Variants in GALNTL6 observed in about 807,000 individuals in gnomAD.
The protein encoded by GALNTL6 is polypeptide N-acetylgalactosaminyltransferase like 6.
GALNTL6 carries 46 observed loss-of-function variants against 73.7 expected under a neutral mutation model. The ratio of observed to expected loss-of-function variants is 0.62; its 90% CI spans 0.49 to 0.80. The LOEUF (loss-of-function observed/expected upper bound fraction) is 0.80. GALNTL6 is among the 30% of genes least tolerant of loss of function. GALNTL6 has a pLI of 0.00. For missense variants in GALNTL6, 604 were observed against 755.0 expected (o/e 0.80, Z 2.34); for synonymous variants, 259 against 263.7 (o/e 0.98, Z 0.17).
At chr4:172,353,221 G>A (rs1741999810) in intron 5 of GALNTL6, among the ~76,000 whole-genome samples, 1 of 152,086 alleles carries the variant, frequency 6.6e-6, no homozygotes, top group South Asian at 2.1e-4. Context: ...CAGGATAATT[G>A]CTTGAACCTG....
chr4:172,931,229 C>T lies in GALNTL6; in HGVS notation c.1110C>T (p.Tyr370=), dbSNP rs183071930. The T allele has an allele frequency of 4.1e-5, 66 of 1,611,066 alleles. 1 individual carries two copies. The highest frequency in any genetic ancestry group is 3.7e-4 in the South Asian group (34 of 91,016). The change falls in exon 9 of 13, where the codon TAC becomes TAT. Residue 370 remains tyrosine, a synonymous_variant. Coordinates refer to ENST00000506823, the MANE Select transcript of GALNTL6 (RefSeq NM_001034845.3). ...GAGTTGGTCATATCTACAGGAAGTA[C>T]GTTCCATACAAAGTTCCATCTGGGA... ...CSRVGHIYRK[Y]VPYKVPSGTS...
intron 8 of GALNTL6, among the ~76,000 whole-genome samples, chr4:172,901,704 G>T (rs369744123): frequency 2.6e-5 from 4 of 152,124 alleles, no homozygotes; most frequent in African/African-American, 7.2e-5. Context: ...TTTATCTGAA[G>T]GACTGAGTTT....
chr4:172,714,147 A>G (rs1163284279), intron 5 of GALNTL6, among the ~76,000 whole-genome samples: 1 of 152,178 alleles, frequency 6.6e-6, no homozygotes, highest in Non-Finnish European at 1.5e-5. Flanking sequence ...AAGGGATATT[A>G]TTGTTTTTGT....
chr4:172,429,252 C>T (rs900029977), intron 5 of GALNTL6, among the ~76,000 whole-genome samples: 1 of 126,966 alleles, frequency 7.9e-6, no homozygotes, highest in Non-Finnish European at 1.7e-5. Flanking sequence ...CGCACTGTCT[C>T]CCAGGCTGGT....
At chr4:172,578,204 A>C (rs1467854760) in intron 5 of GALNTL6, among the ~76,000 whole-genome samples, 4 of 152,216 alleles carry the variant, frequency 2.6e-5, no homozygotes, top group Non-Finnish European at 5.9e-5. Flanking sequence ...CATTAAAAAA[A>C]ATTTCTCACA....
At chr4:172,603,097 T>A (rs1239465334) in intron 5 of GALNTL6, among the ~76,000 whole-genome samples, 1 of 152,094 alleles carries the variant, frequency 6.6e-6, no homozygotes, top group South Asian at 2.1e-4. Flanking sequence ...AGAGGCAGGA[T>A]TGTTGATGGC....
intron 5 of GALNTL6, among the ~76,000 whole-genome samples, chr4:172,529,573 A>G (rs1405845792): frequency 6.6e-6 from 1 of 152,162 alleles, no homozygotes; most frequent in Non-Finnish European, 1.5e-5. Context: ...AAACACCTGT[A>G]CCATAAGAAA....
rs190116278 is a variant in GALNTL6, at chr4:172,270,406, T to C, written c.247+40642T>C. Among the ~76,000 whole-genome samples the C allele has an allele frequency of 2.8e-3, 427 of 152,312 alleles. 1 individual carries two copies. Among genetic ancestry groups the C allele is most frequent in the Non-Finnish European group, 4.3e-3 (293 of 68,014 alleles). ...CTCTTTTAGCCTAGTCTTATATTCA[T>C]AAAGCAGATTGGTTTTTCAACATAG... On this transcript the variant is annotated intron_variant, in intron 3 of 12. Transcript: ENST00000506823.
At chr4:172,653,654 T>C (rs1455790608) in intron 5 of GALNTL6, among the ~76,000 whole-genome samples, 1 of 152,228 alleles carries the variant, frequency 6.6e-6, no homozygotes. Flanking sequence ...CATACTTTAC[T>C]AAAAGATGTT....
chr4:172,005,975 T>C (rs1740829514), intron 2 of GALNTL6, among the ~76,000 whole-genome samples: 1 of 152,204 alleles, frequency 6.6e-6, no homozygotes, highest in South Asian at 2.1e-4. Flanking sequence ...ACTGATTTGC[T>C]TTCACAAGAC....
chr4:172,009,368 A>G (rs1740934835), intron 2 of GALNTL6, among the ~76,000 whole-genome samples: 1 of 152,078 alleles, frequency 6.6e-6, no homozygotes, highest in Non-Finnish European at 1.5e-5. Context: ...GTGCTGGACA[A>G]ATATTTTCAA....
At chr4:172,324,251 C>T (rs17058291) in intron 4 of GALNTL6, among the ~76,000 whole-genome samples, 23,721 of 151,676 alleles carry the variant, frequency 0.16, 2,043 homozygotes, top group Non-Finnish European at 0.19. Flanking sequence ...AGGTAAAGTA[C>T]GTTGAATAAT....
chr4:172,322,664 T>G (rs993016193), intron 4 of GALNTL6, among the ~76,000 whole-genome samples: 3 of 151,762 alleles, frequency 2.0e-5, no homozygotes, highest in Non-Finnish European at 4.4e-5. Context: ...CTACACACAT[T>G]TAAACAACCA....
At chr4:172,271,751 A>G (rs1434102540) in intron 3 of GALNTL6, among the ~76,000 whole-genome samples, 3 of 152,028 alleles carry the variant, frequency 2.0e-5, no homozygotes, top group African/African-American at 7.2e-5. Context: ...CACATGCATA[A>G]ACATATATAG....
At chr4:172,055,174 A>G (rs1439716628) in intron 2 of GALNTL6, among the ~76,000 whole-genome samples, 1 of 152,142 alleles carries the variant, frequency 6.6e-6, no homozygotes, top group Non-Finnish European at 1.5e-5. Context: ...TAAGTAGAGA[A>G]AATTTCCCCT....
intron 2 of GALNTL6, among the ~76,000 whole-genome samples, chr4:172,040,965 T>C (rs1560896799): frequency 6.6e-6 from 1 of 152,114 alleles, no homozygotes; most frequent in Non-Finnish European, 1.5e-5. Flanking sequence ...ATTATATTGC[T>C]GATACAACAA....
intron 9 of GALNTL6, among the ~76,000 whole-genome samples, chr4:172,938,019 T>C (rs1748712542): frequency 6.6e-6 from 1 of 152,238 alleles, no homozygotes; most frequent in African/African-American, 2.4e-5. Flanking sequence ...TTTTTGACTT[T>C]ATGCATTTAC....
intron 5 of GALNTL6, among the ~76,000 whole-genome samples, chr4:172,757,218 A>G (rs1737803942): frequency 6.6e-6 from 1 of 152,226 alleles, no homozygotes; most frequent in East Asian, 1.9e-4. Context: ...ATAACAGAGA[A>G]AAAAATAAAG....
At chr4:172,538,142 G>A (rs917942882) in intron 5 of GALNTL6, among the ~76,000 whole-genome samples, 1 of 152,102 alleles carries the variant, frequency 6.6e-6, no homozygotes, top group Non-Finnish European at 1.5e-5. Flanking sequence ...ACAGACATCA[G>A]AGAAGAGGTA....
Sources: allele counts gnomAD v4.1 joint callset (sites outside exome capture counted in the v4.1 genomes callset), GRCh38; gene constraint gnomAD v4.1.1; transcripts MANE v1.5; gene names NCBI Gene and HGNC (gene_info 2026-07-23, HGNC 2026-07-21).